TOM1: variants seen among roughly 807,000 people sequenced by gnomAD.
TOM1 encodes the protein target of Myb protein 1.
Under a neutral mutation model 61.3 loss-of-function variants are expected in TOM1, and 38 were observed. The ratio of observed to expected loss-of-function variants is 0.62; its 90% CI spans 0.48 to 0.81. The LOEUF (loss-of-function observed/expected upper bound fraction) is 0.81, where lower values mean the gene tolerates loss of function less well. TOM1 is among the 40% of genes least tolerant of loss of function. The probability of loss-of-function intolerance (pLI) is 0.00; values close to 1 mark genes in which losing one functional copy is unlikely to be tolerated. For missense variants in TOM1, 591 were observed against 659.6 expected, an observed-to-expected ratio of 0.90 and a Z score of 1.14; for synonymous variants, 270 against 268.8, an observed-to-expected ratio of 1.00 and a Z score of -0.04.
upstream of TOM1, chr22:35,299,870 T>A (rs1925552054): frequency 3.2e-6 from 5 of 1,546,188 alleles, no homozygotes; most frequent in Non-Finnish European, 4.4e-6. Flanking sequence ...GACGGGTCGG[T>A]GGCGCTGGCG....
intron 1 of TOM1, among the ~76,000 whole-genome samples, chr22:35,316,078 T>C (rs537987585): frequency 3.3e-5 from 5 of 152,368 alleles, no homozygotes; most frequent in African/African-American, 7.2e-5. Context: ...TGACAGATAA[T>C]AGACAGCCGG....
chr22:35,346,969 G>GGTA lies in TOM1; in HGVS notation c.1324+6_1324+8dup. ...AGAGCCTAAGGGGGTCACCAGCGAA[G>GGTA]GTAGTAGTCCCCGCCCCTGCCCGCC... is the stretch of plus-strand genomic sequence containing the variant. On this transcript the variant is annotated protein_altering_variant and splice_region_variant. Coordinates refer to ENST00000449058, the MANE Select transcript of TOM1 (RefSeq NM_005488.3). 1.2e-6 allele frequency: 2 copies of GGTA among 1,612,928 alleles called. No individual in the cohort carries two copies. The highest frequency in any genetic ancestry group is 1.7e-6 in the Non-Finnish European group (2 of 1,179,528).
chr22:35,332,608 ACACACACAC>A (rs1358280525), intron 8 of TOM1, among the ~76,000 whole-genome samples: 1 of 19,546 alleles, frequency 5.1e-5, no homozygotes, highest in Non-Finnish European at 1.0e-4. Context: ...ACACACACAT[ACACACACAC>A]AAATATGTAA....
At chr22:35,330,145 G>A (rs1025120135) in intron 7 of TOM1, among the ~76,000 whole-genome samples, 38 of 152,232 alleles carry the variant, frequency 2.5e-4, no homozygotes, top group Admixed American at 3.9e-4. Context: ...TTAGCCAGGC[G>A]TGGTGGCAGA....
At position 35,345,744 on chromosome 22, in the gene TOM1, G is replaced by A. The variant is rs942077071; in HGVS notation, c.1244G>A (p.Cys415Tyr). Residue 415 changes from cysteine (C) to tyrosine (Y), a missense_variant, in exon 13 of 15, where the codon TGC becomes TAC. Transcript: ENST00000449058. The stretch of plus-strand genomic sequence containing the variant: ...TTCCAGATCCCAGTCACCCAGGCCT[G>A]CCTCATGGAGGACATCGAGCAGTGG... ...STGAIPVTQA[C>Y]LMEDIEQWLS... 6.2e-7 allele frequency: 1 copy of A among 1,614,168 alleles called. No individual in the cohort carries two copies.
At chr22:35,321,241 C>T (rs1417179605) in intron 2 of TOM1, among the ~76,000 whole-genome samples, 2 of 152,140 alleles carry the variant, frequency 1.3e-5, no homozygotes, top group Middle Eastern at 3.4e-3. Context: ...CTTGAGCATG[C>T]ATAAGAAACC....
In TOM1 at chr22:35,327,903, C is replaced by T. The variant is rs552680901; in HGVS notation, c.765+516C>T. ...TCCCGGGTGTCACATGGTATTCCCA[C>T]GGCCCCAGCCCAGATTGGGGGTCAC... On this transcript the variant is annotated intron_variant, in intron 7 of 14. Coordinates refer to ENST00000449058, the MANE Select transcript of TOM1 (RefSeq NM_005488.3). 2.4e-4 allele frequency among the ~76,000 whole-genome samples: 37 copies of T among 152,258 alleles called. 1 individual carries two copies. The highest frequency in any genetic ancestry group is 6.3e-4 in the African/African-American group (26 of 41,536).
In TOM1 at chr22:35,334,385, T is replaced by G; in HGVS notation, c.1085T>G (p.Leu362Arg). The change falls in exon 11 of 15, where the codon CTG becomes CGG. Residue 362 changes from leucine to arginine, a missense_variant. Transcript: ENST00000449058. Reference protein sequence around the residue: ...GLQSLEASGRLEDEFDMFALT... With the variant: ...GLQSLEASGRREDEFDMFALT... ...CAGTCTCTGGAGGCCTCTGGTCGACTGGAAGATGAGTTTGACATGTTTGCG... is the reference window on the plus strand; with the variant it reads ...CAGTCTCTGGAGGCCTCTGGTCGACGGGAAGATGAGTTTGACATGTTTGCG... The G allele has an allele frequency of 6.2e-7, 1 of 1,614,140 alleles. No individual in the cohort carries two copies. The highest frequency in any genetic ancestry group is 8.5e-7 in the Non-Finnish European group (1 of 1,180,000).
chr22:35,345,474 G>A, intron 12 of TOM1: 1 of 577,514 alleles, frequency 1.7e-6, no homozygotes, highest in South Asian at 2.0e-5. Context: ...TTCTCTTCAA[G>A]GGGAAGGAGC....
At chr22:35,313,733 C>T (rs1236770575) in intron 1 of TOM1, among the ~76,000 whole-genome samples, 1 of 152,214 alleles carries the variant, frequency 6.6e-6, no homozygotes, top group Non-Finnish European at 1.5e-5. Flanking sequence ...GTGGTATCTG[C>T]ACCAGACCCA....
At chr22:35,332,187 T>C (rs1203025061) in intron 8 of TOM1, among the ~76,000 whole-genome samples, 3 of 152,176 alleles carry the variant, frequency 2.0e-5, no homozygotes, top group African/African-American at 7.2e-5. Context: ...CTTCTCCTGC[T>C]CGTTGGCCCA....
intron 1 of TOM1, among the ~76,000 whole-genome samples, chr22:35,301,520 G>C (rs1014161544): frequency 2.6e-5 from 4 of 152,122 alleles, no homozygotes; most frequent in Non-Finnish European, 5.9e-5. Flanking sequence ...AGAAACCATC[G>C]CATTACCGTG....
At chr22:35,301,520 G>A (rs1014161544) in intron 1 of TOM1, among the ~76,000 whole-genome samples, 1 of 152,240 alleles carries the variant, frequency 6.6e-6, no homozygotes, top group Admixed American at 6.5e-5. Flanking sequence ...AGAAACCATC[G>A]CATTACCGTG....
chr22:35,322,538 G>A, intron 3 of TOM1: 1 of 190,624 alleles, frequency 5.2e-6, no homozygotes, highest in Non-Finnish European at 1.1e-5. Flanking sequence ...AGATATAAAT[G>A]CTGTCCCACC....
chr22:35,347,456 T>G lies in TOM1; in HGVS notation c.*247T>G, dbSNP rs897690191. The G allele has an allele frequency of 2.9e-5, 12 of 420,150 alleles. No homozygotes were observed. The highest frequency in any genetic ancestry group is 4.1e-5 in the Admixed American group (1 of 24,684). The allele number at this position is 420,150 out of a possible 1,614,324, so 26.0% of individuals were successfully genotyped here. On this transcript the variant is annotated 3_prime_UTR_variant, in exon 15 of 15. Transcript: ENST00000449058. ...CCTCCTTTCCCACCCCAGCTGACCA[T>G]GAGACTTTGCTGAGAAGTGGAGGCC...
upstream of TOM1, chr22:35,299,862 C>A (rs1213901079): frequency 6.5e-7 from 1 of 1,536,984 alleles, no homozygotes; most frequent in Non-Finnish European, 8.8e-7. Flanking sequence ...CGTCACGTGA[C>A]GGGTCGGTGG....
intron 1 of TOM1, among the ~76,000 whole-genome samples, chr22:35,310,426 G>A (rs756832022): frequency 6.6e-6 from 1 of 152,216 alleles, no homozygotes; most frequent in Non-Finnish European, 1.5e-5. Context: ...GGTGGCACAC[G>A]CCTGTAGTCC....
At chr22:35,327,180 C>A (rs1016346086) in intron 6 of TOM1, 91 bp from the exon 7 acceptor site, 37 of 1,264,146 alleles carry the variant, frequency 2.9e-5, no homozygotes, top group Non-Finnish European at 4.1e-5. Flanking sequence ...TGGTGCTGCA[C>A]CCAGGGTTGG....
chr22:35,305,476 A>G (rs1186589585), intron 1 of TOM1, among the ~76,000 whole-genome samples: 1 of 152,216 alleles, frequency 6.6e-6, no homozygotes, highest in Non-Finnish European at 1.5e-5. Flanking sequence ...CCTGGCCAAC[A>G]TGGTGAAACC....
Sources: allele counts gnomAD v4.1 joint callset (sites outside exome capture counted in the v4.1 genomes callset), GRCh38; gene constraint gnomAD v4.1.1; transcripts MANE v1.5; gene names NCBI Gene and HGNC (gene_info 2026-07-23, HGNC 2026-07-21).